COL15A1: variants seen among roughly 807,000 people sequenced by gnomAD.
COL15A1 encodes collagen type XV alpha 1 chain, also known as collagen alpha-1(XV) chain.
Under a neutral mutation model 165.9 loss-of-function variants are expected in COL15A1, and 111 were observed. That is an observed-to-expected ratio of 0.67 (90% CI 0.57 to 0.78). The LOEUF (loss-of-function observed/expected upper bound fraction) is 0.78. COL15A1 is among the 30% of genes least tolerant of loss of function. The pLI is 0.00. For synonymous variants in COL15A1, 659 were observed against 674.8 expected (o/e 0.98, Z 0.36); for missense variants, 1,745 against 1,789.7 (o/e 0.98, Z 0.45).
intron 17 of COL15A1, 121 bp from the exon 18 acceptor site, chr9:99,034,893 C>T (rs560273507): frequency 1.7e-5 from 16 of 960,320 alleles, no homozygotes; most frequent in African/African-American, 1.3e-4. Flanking sequence ...TAAGTGGTAC[C>T]GATCAGAGAA....
Position 98,952,124 on chromosome 9 carries a change from G to T in COL15A1, c.100+7874G>T, listed in dbSNP as rs561604913. On this transcript the variant is annotated intron_variant, in intron 2 of 41. Coordinates refer to ENST00000375001, the MANE Select transcript of COL15A1 (RefSeq NM_001855.5). ...TTCAGGTGCAGGACTGGCATGAAGT[G>T]GGTACTCAGCATACTTTTTCAATGA... Among the ~76,000 whole-genome samples the T allele has an allele frequency of 4.6e-5, 7 of 152,266 alleles. No homozygotes were observed. In the South Asian group the frequency reaches 1.2e-3, roughly 27 times the overall value.
intron 19 of COL15A1, among the ~76,000 whole-genome samples, 161 bp from the exon 20 acceptor site, chr9:99,036,009 G>T (rs1839294218): frequency 6.6e-6 from 1 of 152,176 alleles, no homozygotes; most frequent in Non-Finnish European, 1.5e-5. Flanking sequence ...GTGGAGTGTT[G>T]CTTCCTTCTG....
intron 24 of COL15A1, among the ~76,000 whole-genome samples, chr9:99,042,842 G>T (rs749396390): frequency 3.3e-5 from 5 of 152,140 alleles, no homozygotes; most frequent in Admixed American, 6.5e-5. Flanking sequence ...TTTCCAGTTG[G>T]TTTTTATAGA....
intron 19 of COL15A1, 90 bp from the exon 20 acceptor site, chr9:99,036,080 T>A: frequency 9.0e-7 from 1 of 1,112,372 alleles, no homozygotes; most frequent in African/African-American, 1.6e-5. Flanking sequence ...AAAATAAGCA[T>A]AAAAGCTTAG....
At chr9:98,967,076 G>A (rs1837970059) in intron 2 of COL15A1, among the ~76,000 whole-genome samples, 1 of 152,180 alleles carries the variant, frequency 6.6e-6, no homozygotes, top group African/African-American at 2.4e-5. Context: ...TCACATTAGG[G>A]AGATGAGGGT....
At chr9:99,044,970 C>T (rs1027499640) in intron 26 of COL15A1, among the ~76,000 whole-genome samples, 200 bp downstream of exon 26, 13 of 152,212 alleles carry the variant, frequency 8.5e-5, no homozygotes, top group Non-Finnish European at 1.3e-4. Flanking sequence ...GCTTATTTCT[C>T]GCTCTTGCAA....
chr9:99,054,750 A>G (rs1211146254), intron 32 of COL15A1, 94 bp downstream of exon 32: 1 of 1,366,538 alleles, frequency 7.3e-7, no homozygotes, highest in Non-Finnish European at 9.9e-7. Context: ...GGGTAAGACT[A>G]ATGACATTCC....
intron 2 of COL15A1, among the ~76,000 whole-genome samples, chr9:98,983,602 G>T (rs992413184): frequency 1.3e-5 from 2 of 152,170 alleles, no homozygotes; most frequent in Admixed American, 1.3e-4. Flanking sequence ...GGAGCTCAAG[G>T]GCACAGAGGC....
chr9:98,944,374 C>A, intron 2 of COL15A1, 124 bp downstream of exon 2: 2 of 980,070 alleles, frequency 2.0e-6, no homozygotes, highest in South Asian at 1.5e-5. Context: ...TCTTGCCACT[C>A]AGTGCGCACT....
At chr9:99,033,763 C>A (rs1454715114) in intron 16 of COL15A1, among the ~76,000 whole-genome samples, 1 of 152,138 alleles carries the variant, frequency 6.6e-6, no homozygotes, top group Admixed American at 6.5e-5. Flanking sequence ...TCTCTCAGGA[C>A]CTCCTGTGTG....
chr9:99,070,535 GA>G lies in COL15A1; in HGVS notation c.*652del. ...GTAACTCTGACTTGCTGGAAAAGTT[GA>G]AACTCCAAATAATCTGAAACTAGAA... On this transcript the variant is annotated 3_prime_UTR_variant, in exon 42 of 42. Transcript: ENST00000375001. The G allele has an allele frequency of 5.9e-6, 2 of 337,246 alleles. No individual in the cohort carries two copies. Among genetic ancestry groups the G allele is most frequent in the South Asian group, 4.3e-5 (2 of 46,516 alleles). The allele number at this position is 337,246 out of a possible 1,614,324, so 20.9% of individuals were successfully genotyped here.
chr9:99,032,744 T>A (rs1438401724), intron 16 of COL15A1, among the ~76,000 whole-genome samples: 1 of 152,224 alleles, frequency 6.6e-6, no homozygotes, highest in Non-Finnish European at 1.5e-5. Flanking sequence ...TTGTGTTGCT[T>A]TCTGGGAGAA....
At position 98,962,371 on chromosome 9, in the gene COL15A1, A is replaced by G. The variant is rs537042785; in HGVS notation, c.100+18121A>G. On this transcript the variant is annotated intron_variant, in intron 2 of 41. Transcript: ENST00000375001. ...ATTCCTTTGGAGACCTGCTTCTCAA[A>G]TGGGTGTGCTCACAGTCCTTGGCTG... Among the ~76,000 whole-genome samples, 4 of 152,324 alleles carry G rather than the reference A, an allele frequency of 2.6e-5. No individual in the cohort carries two copies. The South Asian group carries it at 8.3e-4, about 32-fold the overall frequency.
At chr9:98,970,292 A>G (rs1838025365) in intron 2 of COL15A1, among the ~76,000 whole-genome samples, 1 of 152,244 alleles carries the variant, frequency 6.6e-6, no homozygotes, top group African/African-American at 2.4e-5. Context: ...CTATTTCTAG[A>G]TAGCTTCCAA....
intron 28 of COL15A1, 128 bp downstream of exon 28, chr9:99,048,128 C>A: frequency 1.4e-6 from 1 of 714,236 alleles, no homozygotes; most frequent in South Asian, 1.5e-5. Context: ...CTGCCACTGC[C>A]AAAGGTCCTC....
intron 9 of COL15A1, among the ~76,000 whole-genome samples, chr9:99,015,145 A>G (rs1349061994): frequency 1.3e-5 from 2 of 150,622 alleles, no homozygotes; most frequent in Admixed American, 6.6e-5. Context: ...GGGGATCCTG[A>G]GATTTATTTT....
intron 21 of COL15A1, among the ~76,000 whole-genome samples, chr9:99,036,841 G>A (rs1443956055): frequency 1.3e-5 from 2 of 152,220 alleles, no homozygotes; most frequent in Non-Finnish European, 1.5e-5. Flanking sequence ...AGACGGACTT[G>A]CCCATGGGTT....
chr9:98,951,418 G>A (rs1837684635), intron 2 of COL15A1, among the ~76,000 whole-genome samples: 1 of 152,136 alleles, frequency 6.6e-6, no homozygotes, highest in Non-Finnish European at 1.5e-5. Flanking sequence ...CTGAGATGGA[G>A]TCATGCTCCT....
At chr9:99,043,370 C>T (rs918822620) in intron 24 of COL15A1, among the ~76,000 whole-genome samples, 2 of 152,014 alleles carry the variant, frequency 1.3e-5, no homozygotes, top group Non-Finnish European at 1.5e-5. Flanking sequence ...AGCAAGAGCA[C>T]CTCTTGCTTT....
Sources: allele counts gnomAD v4.1 joint callset (sites outside exome capture counted in the v4.1 genomes callset), GRCh38; gene constraint gnomAD v4.1.1; transcripts MANE v1.5; gene names NCBI Gene and HGNC (gene_info 2026-07-23, HGNC 2026-07-21).